The following STIM1 variants were observed in gnomAD, a reference collection of about 807,000 sequenced individuals.
The protein encoded by STIM1 is stromal interaction molecule 1.
STIM1 carries 25 observed loss-of-function variants against 74.7 expected under a neutral mutation model. The ratio of observed to expected loss-of-function variants is 0.33; its 90% CI spans 0.24 to 0.47. STIM1 has a LOEUF of 0.47. Ranked by LOEUF, STIM1 falls within the 20% of genes least tolerant of loss-of-function variation. The pLI, the probability that STIM1 is intolerant of heterozygous loss-of-function variation, is 1.00. For missense variants in STIM1, 728 were observed against 920.8 expected (o/e 0.79, Z 2.71); for synonymous variants, 328 against 348.8 (o/e 0.94, Z 0.66).
intron 3 of STIM1, among the ~76,000 whole-genome samples, chr11:4,054,874 G>C (rs894183585): frequency 6.6e-6 from 1 of 152,124 alleles, no homozygotes; most frequent in Non-Finnish European, 1.5e-5. Context: ...CTTCTCTGAG[G>C]CTGTCCCTGA....
chr11:3,941,696 A>AGAGAGT (rs1214690521), intron 1 of STIM1, among the ~76,000 whole-genome samples: 217 of 141,836 alleles, frequency 1.5e-3, no homozygotes, highest in African/African-American at 5.5e-3. Context: ...AGAGAGAGAG[A>AGAGAGT]GTGTGTGTGT....
chr11:4,024,093 G>A (rs1471577330), intron 3 of STIM1, 106 bp downstream of exon 3: 124 of 829,274 alleles, frequency 1.5e-4, no homozygotes, highest in South Asian at 4.1e-4. Context: ...TTAGTAAAGG[G>A]CAAATTATTG....
chr11:3,991,973 GAAA>G (rs35772913), intron 2 of STIM1, among the ~76,000 whole-genome samples: 189 of 82,188 alleles, frequency 2.3e-3, no homozygotes, highest in African/African-American at 6.9e-3. Context: ...AAAAAAAAAA[GAAA>G]AAAAAAAAAA....
Position 4,092,183 on chromosome 11 carries a change from A to T in STIM1, c.*385A>T. ...TGCTTTCGGGCTCCTCCCTCCCACC[A>T]CTCCCCAACTTCCCCTAGCAGTTGC... On this transcript the variant is annotated 3_prime_UTR_variant, in exon 13 of 13. Coordinates refer to ENST00000526596, the MANE Select transcript of STIM1 (RefSeq NM_001382567.1). 3.2e-6 allele frequency: 1 copy of T among 308,716 alleles called. No homozygotes were observed. Among genetic ancestry groups the T allele is most frequent in the South Asian group, 3.2e-5 (1 of 30,834 alleles). 19.1% of individuals were successfully genotyped at this position (308,716 alleles called of 1,614,324 possible).
intron 1 of STIM1, among the ~76,000 whole-genome samples, chr11:3,964,734 T>C (rs2093323508): frequency 1.3e-5 from 2 of 151,826 alleles, no homozygotes; most frequent in Admixed American, 1.3e-4. Context: ...ATTCTTTTTT[T>C]TTTTTTTTGA....
At chr11:3,936,128 G>A (rs1310605001) in intron 1 of STIM1, among the ~76,000 whole-genome samples, 1 of 152,174 alleles carries the variant, frequency 6.6e-6, no homozygotes, top group African/African-American at 2.4e-5. Context: ...ATTTTCATCA[G>A]TAGGTACTTT....
intron 2 of STIM1, among the ~76,000 whole-genome samples, chr11:4,002,874 A>G (rs2093734085): frequency 1.4e-5 from 2 of 141,108 alleles, no homozygotes; most frequent in Non-Finnish European, 3.1e-5. Context: ...GAGAAGAATC[A>G]AATAGACGCA....
intron 12 of STIM1, among the ~76,000 whole-genome samples, chr11:4,089,552 T>C (rs186304294): frequency 2.3e-4 from 35 of 152,332 alleles, no homozygotes; most frequent in Admixed American, 2.1e-3. Flanking sequence ...TGAGACTGAA[T>C]ATTTGTAAAT....
At chr11:4,011,522 T>C (rs2093835943) in intron 2 of STIM1, among the ~76,000 whole-genome samples, 1 of 152,232 alleles carries the variant, frequency 6.6e-6, no homozygotes, top group South Asian at 2.1e-4. Context: ...ATAAATGTCT[T>C]CTTTTGAGAA....
chr11:3,971,514 G>A (rs2093395241), intron 2 of STIM1, among the ~76,000 whole-genome samples: 1 of 151,748 alleles, frequency 6.6e-6, no homozygotes, highest in South Asian at 2.1e-4. Flanking sequence ...GGGTGACAGA[G>A]CAAGACTCTG....
At chr11:4,024,582 A>G (rs2093983732) in intron 3 of STIM1, among the ~76,000 whole-genome samples, 1 of 152,136 alleles carries the variant, frequency 6.6e-6, no homozygotes, top group South Asian at 2.1e-4. Flanking sequence ...TGTGTTTCTT[A>G]GATCCTATAG....
chr11:3,901,956 C>G (rs952513653), intron 1 of STIM1, among the ~76,000 whole-genome samples: 1 of 152,070 alleles, frequency 6.6e-6, no homozygotes, highest in Non-Finnish European at 1.5e-5. Flanking sequence ...TTTGTAGAGA[C>G]GGGGTTTTGC....
chr11:3,946,282 A>G (rs1261112135), intron 1 of STIM1, among the ~76,000 whole-genome samples: 1 of 152,212 alleles, frequency 6.6e-6, no homozygotes, highest in Admixed American at 6.5e-5. Flanking sequence ...GAATCAAAAT[A>G]TTTGTCCTGT....
At chr11:4,018,383 C>T (rs367634103) in intron 2 of STIM1, among the ~76,000 whole-genome samples, 226 of 124,550 alleles carry the variant, frequency 1.8e-3, no homozygotes, top group African/African-American at 6.0e-3. Context: ...ACCCGGGAAG[C>T]GGAGCTTGCA....
At chr11:4,040,212 T>C (rs572507996) in intron 3 of STIM1, among the ~76,000 whole-genome samples, 1 of 152,218 alleles carries the variant, frequency 6.6e-6, no homozygotes, top group Non-Finnish European at 1.5e-5. Flanking sequence ...GTTAAAAATT[T>C]ACTGAGTACC....
intron 1 of STIM1, among the ~76,000 whole-genome samples, chr11:3,874,295 TG>T (rs1233795947): frequency 6.6e-6 from 1 of 152,180 alleles, no homozygotes; most frequent in Non-Finnish European, 1.5e-5. Context: ...TCTATTGCCC[TG>T]GAGTATCCTT....
intron 1 of STIM1, among the ~76,000 whole-genome samples, chr11:3,911,746 A>C (rs755405724): frequency 4.6e-5 from 7 of 151,928 alleles, no homozygotes; most frequent in Admixed American, 4.6e-4. Flanking sequence ...ACCACTTTTT[A>C]AGCTTTCTCT....
chr11:3,884,633 T>C (rs2091636699), intron 1 of STIM1, among the ~76,000 whole-genome samples: 3 of 152,156 alleles, frequency 2.0e-5, no homozygotes, highest in Admixed American at 2.0e-4. Flanking sequence ...ACTCTTTCTC[T>C]CAGTTCAGCC....
chr11:4,092,804 G>A lies in STIM1; in HGVS notation c.*1006G>A, dbSNP rs906963734. On this transcript the variant is annotated 3_prime_UTR_variant, in exon 13 of 13. Transcript: ENST00000526596. Reference sequence around the variant, plus strand: ...TAATCTGAATTTCCCAAGTGCCTACGCTGCATATTCCCCTTGTTAGATCCC... The same window carrying A: ...TAATCTGAATTTCCCAAGTGCCTACACTGCATATTCCCCTTGTTAGATCCC... The A allele has an allele frequency of 1.3e-5, 2 of 152,206 alleles. No individual in the cohort carries two copies. 9.4% of individuals were successfully genotyped at this position (152,206 alleles called of 1,614,324 possible).
Sources: allele counts gnomAD v4.1 joint callset (sites outside exome capture counted in the v4.1 genomes callset), GRCh38; gene constraint gnomAD v4.1.1; transcripts MANE v1.5; gene names NCBI Gene and HGNC (gene_info 2026-07-23, HGNC 2026-07-21).